Variants in SND1 observed in about 807,000 individuals in gnomAD.
The protein encoded by SND1 is staphylococcal nuclease and tudor domain containing 1, also known as staphylococcal nuclease domain-containing protein 1.
SND1 carries 38 observed loss-of-function variants against 121.7 expected under a neutral mutation model. That is an observed-to-expected ratio of 0.31 (90% CI 0.24 to 0.41). The LOEUF (loss-of-function observed/expected upper bound fraction) is 0.41, where lower values mean the gene tolerates loss of function less well. SND1 is among the 10% of genes least tolerant of loss of function. The pLI is 1.00. For synonymous variants in SND1, 401 were observed against 447.4 expected, an observed-to-expected ratio of 0.90 and a Z score of 1.31; for missense variants, 868 against 1,184.6, an observed-to-expected ratio of 0.73 and a Z score of 3.92.
intron 12 of SND1, among the ~76,000 whole-genome samples, chr7:127,876,194 G>C (rs1366926497): frequency 6.6e-6 from 1 of 151,784 alleles, no homozygotes; most frequent in Non-Finnish European, 1.5e-5. Context: ...GATTGTCTTC[G>C]TATTAGAAAA....
chr7:128,012,224 C>T (rs1291488377), intron 16 of SND1, among the ~76,000 whole-genome samples: 1 of 152,092 alleles, frequency 6.6e-6, no homozygotes, highest in African/African-American at 2.4e-5. Context: ...CAGGATGGCA[C>T]AAAGATCAAA....
intron 10 of SND1, among the ~76,000 whole-genome samples, chr7:127,769,309 A>T (rs1054347598): frequency 6.6e-6 from 1 of 152,188 alleles, no homozygotes; most frequent in Non-Finnish European, 1.5e-5. Context: ...ACTAATCAGA[A>T]GCCTGGGCTG....
At chr7:127,816,031 G>A (rs967453625) in intron 11 of SND1, among the ~76,000 whole-genome samples, 1 of 152,142 alleles carries the variant, frequency 6.6e-6, no homozygotes, top group Non-Finnish European at 1.5e-5. Context: ...CTGACAGTTG[G>A]TGTGGAGGAA....
At chr7:127,758,717 A>C (rs1797243356) in intron 10 of SND1, among the ~76,000 whole-genome samples, 2 of 152,300 alleles carry the variant, frequency 1.3e-5, no homozygotes, top group Middle Eastern at 6.8e-3. Flanking sequence ...TGAAAAATTG[A>C]CATAGCAATT....
At chr7:127,656,765 T>G (rs1402441736) in intron 1 of SND1, among the ~76,000 whole-genome samples, 1 of 152,142 alleles carries the variant, frequency 6.6e-6, no homozygotes, top group Non-Finnish European at 1.5e-5. Context: ...TGGGGGTGGG[T>G]TCCCCCAATA....
intron 13 of SND1, among the ~76,000 whole-genome samples, chr7:127,890,615 C>G (rs1799993488): frequency 6.6e-6 from 1 of 152,084 alleles, no homozygotes; most frequent in Admixed American, 6.6e-5. Flanking sequence ...TTCTGACAGG[C>G]AGGTAAGCAT....
At position 127,707,635 on chromosome 7, in the gene SND1, G is replaced by T. The variant is rs746784022; in HGVS notation, c.1026G>T (p.Gln342His). The change falls in exon 9 of 24, where the codon CAG (glutamine) becomes CAT (histidine). Residue 342 changes from glutamine (Q) to histidine (H), a missense_variant. This residue lies in a region of SND1 where 743 missense variants were observed against 1,071.3 expected (regional missense o/e 0.69). Coordinates refer to ENST00000354725, the MANE Select transcript of SND1 (RefSeq NM_014390.4). The part of the protein sequence containing the change: ...PTANLDQKDK[Q>H]FVAKVMQVLN... ...CTAATTTGGACCAAAAGGACAAGCA[G>T]TTTGTTGCCAAGGTGAGTCATTCTC... The T allele has an allele frequency of 2.5e-6, 4 of 1,614,056 alleles. No individual in the cohort carries two copies. The highest frequency in any genetic ancestry group is 1.7e-5 in the Admixed American group (1 of 60,028).
intron 15 of SND1, among the ~76,000 whole-genome samples, chr7:127,931,824 G>A (rs1458508105): frequency 9.2e-5 from 14 of 152,180 alleles, no homozygotes; most frequent in Admixed American, 9.2e-4. Context: ...AGCAAAGCCT[G>A]TATGACGGCA....
chr7:127,894,395 A>AAG (rs1800077231), intron 13 of SND1, among the ~76,000 whole-genome samples: 2 of 151,970 alleles, frequency 1.3e-5, no homozygotes, highest in African/African-American at 4.8e-5. Flanking sequence ...AAAAAAAAAA[A>AAG]AAGAAGAAAG....
At chr7:127,908,047 G>A (rs1038498754) in intron 14 of SND1, among the ~76,000 whole-genome samples, 2 of 152,066 alleles carry the variant, frequency 1.3e-5, no homozygotes, top group Non-Finnish European at 2.9e-5. Context: ...ATTACAGATG[G>A]GTTTTGATGT....
intron 10 of SND1, among the ~76,000 whole-genome samples, chr7:127,725,955 C>T (rs1383070451): frequency 6.6e-6 from 1 of 152,118 alleles, no homozygotes; most frequent in Non-Finnish European, 1.5e-5. Context: ...ATATTTTCTT[C>T]CTCCGAGACA....
chr7:128,050,561 T>C (rs1383802548), intron 16 of SND1, among the ~76,000 whole-genome samples: 1 of 152,210 alleles, frequency 6.6e-6, no homozygotes, highest in African/African-American at 2.4e-5. Flanking sequence ...GAGTTCCACA[T>C]GTCCCTCAGA....
chr7:127,793,965 G>T (rs1362300837), intron 10 of SND1, among the ~76,000 whole-genome samples: 1 of 152,152 alleles, frequency 6.6e-6, no homozygotes, highest in African/African-American at 2.4e-5. Context: ...TATATATAAT[G>T]AAATTGCTAT....
At chr7:127,879,788 A>G (rs1403721704) in intron 12 of SND1, among the ~76,000 whole-genome samples, 1 of 152,160 alleles carries the variant, frequency 6.6e-6, no homozygotes, top group Non-Finnish European at 1.5e-5. Context: ...GTCATGGGTG[A>G]CAGAGGCCTA....
chr7:127,690,434 G>C (rs993212318), intron 2 of SND1, among the ~76,000 whole-genome samples: 1 of 152,136 alleles, frequency 6.6e-6, no homozygotes, highest in Admixed American at 6.5e-5. Context: ...TAGTTCCTTC[G>C]CCACCTCTGT....
At position 127,709,862 on chromosome 7, in the gene SND1, T is replaced by G. The variant is rs988840506; in HGVS notation, c.1038+2215T>G. On this transcript the variant is annotated intron_variant, in intron 9 of 23. Coordinates refer to ENST00000354725, the MANE Select transcript of SND1 (RefSeq NM_014390.4). ...AGGGTAGAGAGAAATGGGAAAAGAG[T>G]TTTTAAAACTTGACTTTTAAAAATT... Among the ~76,000 whole-genome samples the G allele has an allele frequency of 2.6e-5, 4 of 151,862 alleles. No individual in the cohort carries two copies. The South Asian group carries it at 6.3e-4, about 24-fold the overall frequency.
chr7:128,019,476 C>T (rs1803300030), intron 16 of SND1, among the ~76,000 whole-genome samples: 1 of 152,138 alleles, frequency 6.6e-6, no homozygotes, highest in Admixed American at 6.5e-5. Context: ...TTGGAGGGGA[C>T]CGGTCTCTAG....
chr7:128,033,580 A>C (rs893153167), intron 16 of SND1, among the ~76,000 whole-genome samples: 1 of 152,138 alleles, frequency 6.6e-6, no homozygotes, highest in Non-Finnish European at 1.5e-5. Context: ...CTCTTTAAAT[A>C]CGCCATGGAA....
At chr7:127,883,115 C>T (rs1213931955) in intron 12 of SND1, among the ~76,000 whole-genome samples, 2 of 152,156 alleles carry the variant, frequency 1.3e-5, no homozygotes, top group Non-Finnish European at 2.9e-5. Flanking sequence ...TGACATGGGT[C>T]TCACAGGCAG....
Sources: gnomAD v4.1 joint callset for allele counts (sites outside exome capture counted in the v4.1 genomes callset) on GRCh38, gnomAD v4.1.1 for gene constraint, gnomAD v4.1.1 regional missense constraint, MANE v1.5 for transcripts, NCBI Gene and HGNC (gene_info 2026-07-23, HGNC 2026-07-21) for gene names.